Variants in TMED10 observed in about 807,000 individuals in gnomAD.
TMED10 encodes transmembrane p24 trafficking protein 10, also known as transmembrane emp24 domain-containing protein 10.
Under a neutral mutation model 23.1 loss-of-function variants are expected in TMED10, and 7 were observed. The observed-to-expected ratio is 0.30, with a 90% CI of 0.17 to 0.57. The LOEUF (loss-of-function observed/expected upper bound fraction) is 0.57. Ranked by LOEUF, TMED10 falls within the 20% of genes least tolerant of loss-of-function variation. TMED10 has a pLI of 0.91. For synonymous variants in TMED10, 113 were observed against 106.9 expected (o/e 1.06, Z -0.35); for missense variants, 162 against 274.8 (o/e 0.59, Z 2.90).
chr14:75,157,937 T>A (rs1896040071), intron 1 of TMED10, among the ~76,000 whole-genome samples: 1 of 150,152 alleles, frequency 6.7e-6, no homozygotes, highest in African/African-American at 2.5e-5. Context: ...CAAAACTCCA[T>A]CTCAAAAAAA....
intron 2 of TMED10, among the ~76,000 whole-genome samples, chr14:75,149,472 A>ACAAAT (rs1566671563): frequency 6.6e-6 from 1 of 152,084 alleles, no homozygotes; most frequent in African/African-American, 2.4e-5. Flanking sequence ...TCTACTGTTT[A>ACAAAT]TACCCACTCT....
intron 3 of TMED10, among the ~76,000 whole-genome samples, chr14:75,145,422 A>C (rs1356300675): frequency 6.6e-6 from 1 of 152,206 alleles, no homozygotes; most frequent in Non-Finnish European, 1.5e-5. Flanking sequence ...ACCCACAATA[A>C]TGTCATCTGT....
intron 1 of TMED10, among the ~76,000 whole-genome samples, chr14:75,164,562 TATATATATATA>T (rs1896132389): frequency 5.8e-4 from 2 of 3,478 alleles, no homozygotes; most frequent in Admixed American, 2.5e-3. Flanking sequence ...TATATATATA[TATATATATATA>T]TATATTTTTT....
intron 4 of TMED10, 154 bp downstream of exon 4, chr14:75,135,606 C>G (rs902864327): frequency 1.5e-5 from 16 of 1,034,152 alleles, no homozygotes; most frequent in Admixed American, 8.6e-5. Context: ...TAACAAGGCT[C>G]ATTTACCTTT....
intron 3 of TMED10, among the ~76,000 whole-genome samples, chr14:75,146,651 CCTT>C (rs1331892935): frequency 1.3e-5 from 2 of 151,976 alleles, no homozygotes; most frequent in Non-Finnish European, 2.9e-5. Context: ...AGGCTGTTGT[CCTT>C]CTCCTCATTC....
chr14:75,163,278 C>T (rs569468821), intron 1 of TMED10, among the ~76,000 whole-genome samples: 1 of 151,754 alleles, frequency 6.6e-6, no homozygotes, highest in African/African-American at 2.4e-5. Flanking sequence ...ACGGGCCAGG[C>T]GCGGTGGCTC....
At chr14:75,169,954 G>C (rs777685336) in intron 1 of TMED10, among the ~76,000 whole-genome samples, 5 of 152,036 alleles carry the variant, frequency 3.3e-5, no homozygotes, top group Non-Finnish European at 5.9e-5. Context: ...ACGGCCGGGC[G>C]TGGTGGCTCA....
chr14:75,135,110 G>T, intron 4 of TMED10, 104 bp from the exon 5 acceptor site: 1 of 1,399,480 alleles, frequency 7.1e-7, no homozygotes, highest in Non-Finnish European at 9.8e-7. Context: ...ACTTCACTCT[G>T]TCCCTAGGTC....
intron 3 of TMED10, among the ~76,000 whole-genome samples, chr14:75,143,530 G>A (rs1458445365): frequency 6.6e-6 from 1 of 152,154 alleles, no homozygotes; most frequent in Non-Finnish European, 1.5e-5. Flanking sequence ...CTTGTGACAA[G>A]ACAAATTCAG....
chr14:75,139,304 C>G (rs1895793200), intron 3 of TMED10: 1 of 341,924 alleles, frequency 2.9e-6, no homozygotes, highest in Admixed American at 4.0e-5. Flanking sequence ...ATCAATTCAT[C>G]TTATTCTTAA....
intron 1 of TMED10, among the ~76,000 whole-genome samples, chr14:75,158,713 T>G (rs926223606): frequency 6.6e-6 from 1 of 151,666 alleles, no homozygotes; most frequent in Non-Finnish European, 1.5e-5. Context: ...TCACCTGAGG[T>G]CGGGAGTTCG....
intron 1 of TMED10, among the ~76,000 whole-genome samples, chr14:75,155,028 G>A (rs573303957): frequency 1.1e-4 from 16 of 150,322 alleles, no homozygotes; most frequent in East Asian, 2.0e-4. Context: ...GCGCAATCCC[G>A]GCTCACTGCA....
At chr14:75,173,709 G>C (rs1896264843) in intron 1 of TMED10, among the ~76,000 whole-genome samples, 2 of 152,130 alleles carry the variant, frequency 1.3e-5, no homozygotes, top group Non-Finnish European at 2.9e-5. Context: ...TGTGCACAAA[G>C]TCCTGCTGGT....
chr14:75,170,963 C>G (rs544425779), intron 1 of TMED10, among the ~76,000 whole-genome samples: 1 of 152,080 alleles, frequency 6.6e-6, no homozygotes, highest in Admixed American at 6.6e-5. Context: ...TATTACCACC[C>G]GGGTAGAGAA....
rs566985108 is a variant in TMED10 at position 75,155,674 on chromosome 14, G to A, written c.226-3531C>T. ...GTATGCACAAGTGCCATGGGATTAT[G>A]GAGGGTCAGGGAGTGTATCTAGGAG... On this transcript the variant is annotated intron_variant, in intron 1 of 4. Coordinates refer to ENST00000303575, the MANE Select transcript of TMED10 (RefSeq NM_006827.6). Among the ~76,000 whole-genome samples the A allele has an allele frequency of 4.2e-4, 64 of 152,300 alleles. 1 individual carries two copies. In the South Asian group the frequency reaches 6.2e-3, roughly 15 times the overall value.
At chr14:75,152,172 CAGCAA>C (rs1367581834) in intron 1 of TMED10, 29 bp from the exon 2 acceptor site, 9 of 1,556,236 alleles carry the variant, frequency 5.8e-6, no homozygotes, top group Non-Finnish European at 7.1e-6. Context: ...TAAGAATAGG[CAGCAA>C]ATAACACTCA....
intron 1 of TMED10, among the ~76,000 whole-genome samples, chr14:75,168,881 G>A (rs778761053): frequency 7.2e-5 from 11 of 152,166 alleles, no homozygotes; most frequent in South Asian, 2.1e-4. Flanking sequence ...GGATGTAATG[G>A]TACTACAGTA....
At chr14:75,172,805 T>C (rs1160710520) in intron 1 of TMED10, among the ~76,000 whole-genome samples, 1 of 152,004 alleles carries the variant, frequency 6.6e-6, no homozygotes, top group Non-Finnish European at 1.5e-5. Context: ...TGAATATGAG[T>C]AATGGGTAGA....
chr14:75,169,999 G>C (rs934052361), intron 1 of TMED10, among the ~76,000 whole-genome samples: 10 of 151,694 alleles, frequency 6.6e-5, no homozygotes, highest in Admixed American at 3.3e-4. Context: ...AGGCAGAGGC[G>C]GGCGGATCAT....
Sources: allele counts gnomAD v4.1 joint callset (sites outside exome capture counted in the v4.1 genomes callset), GRCh38; gene constraint gnomAD v4.1.1; transcripts MANE v1.5; gene names NCBI Gene and HGNC (gene_info 2026-07-23, HGNC 2026-07-21).